PLEKHB2: variants seen among roughly 807,000 people sequenced by gnomAD.
PLEKHB2 encodes pleckstrin homology domain containing B2.
Under a neutral mutation model 36.5 loss-of-function variants are expected in PLEKHB2, and 31 were observed. The observed-to-expected ratio is 0.85, with a 90% CI of 0.64 to 1.15. PLEKHB2 has a LOEUF of 1.15. PLEKHB2 is among the 50% of genes most tolerant of loss of function. PLEKHB2 has a pLI of 0.00. For synonymous variants in PLEKHB2, 119 were observed against 112.0 expected (o/e 1.06, Z -0.39); for missense variants, 262 against 295.3 (o/e 0.89, Z 0.83).
Position 131,148,014 on chromosome 2 carries a change from T to G in PLEKHB2, c.*1241T>G, listed in dbSNP as rs1389323617. 6.6e-6 allele frequency: 1 copy of G among 152,364 alleles called. No homozygotes were observed. The highest frequency in any genetic ancestry group is 2.4e-5 in the African/African-American group (1 of 41,428). The allele number at this position is 152,364 out of a possible 1,614,324, so 9.4% of individuals were successfully genotyped here. ...GTTCCCATTTCTGGCCTTTGGGGGT[T>G]TGCACTGTGCGGGAGATGCTCTCTC... On this transcript the variant is annotated 3_prime_UTR_variant, in exon 8 of 8. Coordinates refer to ENST00000693505, the MANE Select transcript of PLEKHB2 (RefSeq NM_001100623.2).
chr2:131,105,704 G>C (rs910337812), intron 1 of PLEKHB2, among the ~76,000 whole-genome samples: 4 of 152,144 alleles, frequency 2.6e-5, no homozygotes, highest in Middle Eastern at 3.4e-3. Context: ...CTTCCCCGGC[G>C]TCCGCCTCCG....
intron 5 of PLEKHB2, among the ~76,000 whole-genome samples, chr2:131,131,026 T>C (rs558486098): frequency 2.6e-5 from 4 of 152,312 alleles, no homozygotes; most frequent in African/African-American, 9.6e-5. Flanking sequence ...TGGGCTCAAG[T>C]GATCCTCCCA....
chr2:131,135,903 C>A (rs1048591651), intron 6 of PLEKHB2, among the ~76,000 whole-genome samples: 8 of 152,050 alleles, frequency 5.3e-5, no homozygotes, highest in African/African-American at 1.9e-4. Context: ...CCACCGCGCC[C>A]GGCCAGTGTA....
At chr2:131,116,063 T>G (rs1448614910) in intron 1 of PLEKHB2, among the ~76,000 whole-genome samples, 2 of 152,216 alleles carry the variant, frequency 1.3e-5, no homozygotes, top group African/African-American at 4.8e-5. Context: ...AATTACTCTT[T>G]TAAAAAGTGA....
At position 131,147,816 on chromosome 2, in the gene PLEKHB2, C is replaced by A. The variant is rs1431982439; in HGVS notation, c.*1043C>A. On this transcript the variant is annotated 3_prime_UTR_variant, in exon 8 of 8. Transcript: ENST00000693505. Reference sequence around the variant, plus strand: ...CTGTCTCAAAAAAAAAAAAAAAATCCTGGAGAAGCCAGAACAATATACAAA... The same window carrying A: ...CTGTCTCAAAAAAAAAAAAAAAATCATGGAGAAGCCAGAACAATATACAAA... 6.7e-6 allele frequency: 1 copy of A among 148,458 alleles called. No individual in the cohort carries two copies. Among genetic ancestry groups the A allele is most frequent in the East Asian group, 2.0e-4 (1 of 5,128 alleles). 9.2% of individuals were successfully genotyped at this position (148,458 alleles called of 1,614,324 possible).
At chr2:131,134,061 GGC>G (rs1697988160) in intron 6 of PLEKHB2, among the ~76,000 whole-genome samples, 1 of 151,724 alleles carries the variant, frequency 6.6e-6, no homozygotes, top group South Asian at 2.1e-4. Flanking sequence ...CACCACGCCC[GGC>G]TAATTTTTTG....
intron 6 of PLEKHB2, among the ~76,000 whole-genome samples, chr2:131,138,234 AATGT>A (rs1435171592): frequency 6.6e-6 from 1 of 152,030 alleles, no homozygotes; most frequent in Admixed American, 6.6e-5. Context: ...TAAAAAATTG[AATGT>A]ATGTCTTTAT....
chr2:131,130,738 T>G lies in PLEKHB2; in HGVS notation c.311T>G (p.Leu104Arg), dbSNP rs1697589132. Residue 104 changes from leucine to arginine, a missense_variant, in exon 5 of 8, where the codon CTC (leucine) becomes CGC (arginine). Coordinates refer to ENST00000693505, the MANE Select transcript of PLEKHB2 (RefSeq NM_001100623.2). Reference protein sequence around the residue: ...TDDCLAWKFTLQDSRTNTAYV... With the variant: ...TDDCLAWKFTRQDSRTNTAYV... Reference sequence around the variant, plus strand: ...TTCTCCAGGGCCTGGAAATTTACACTCCAAGATTCTAGGACAAACACAGTA... The same window carrying G: ...TTCTCCAGGGCCTGGAAATTTACACGCCAAGATTCTAGGACAAACACAGTA... The G allele has an allele frequency of 6.2e-7, 1 of 1,611,300 alleles. No individual in the cohort carries two copies. Among genetic ancestry groups the G allele is most frequent in the Non-Finnish European group, 8.5e-7 (1 of 1,177,722 alleles).
At chr2:131,139,340 G>A (rs947464331) in intron 6 of PLEKHB2, among the ~76,000 whole-genome samples, 1 of 152,102 alleles carries the variant, frequency 6.6e-6, no homozygotes, top group Non-Finnish European at 1.5e-5. Flanking sequence ...GATTGTAGCT[G>A]TACTTAGCAG....
At chr2:131,115,395 C>G (rs1219422884) in intron 1 of PLEKHB2, among the ~76,000 whole-genome samples, 1 of 112,776 alleles carries the variant, frequency 8.9e-6, no homozygotes, top group African/African-American at 3.5e-5. Context: ...GGCTCTTTTG[C>G]CAGGCTAGAG....
At chr2:131,128,691 T>C (rs1468391479) in intron 4 of PLEKHB2, among the ~76,000 whole-genome samples, 1 of 152,122 alleles carries the variant, frequency 6.6e-6, no homozygotes, top group Non-Finnish European at 1.5e-5. Context: ...ATCATTGGCA[T>C]GGAAGAAAAG....
At chr2:131,114,462 A>G (rs534252137) in intron 1 of PLEKHB2, among the ~76,000 whole-genome samples, 52 of 152,142 alleles carry the variant, frequency 3.4e-4, no homozygotes, top group Non-Finnish European at 6.2e-4. Flanking sequence ...GGTGATTAAC[A>G]TTGGACTTCT....
At chr2:131,143,301 C>T (rs774212712) in intron 7 of PLEKHB2, among the ~76,000 whole-genome samples, 6 of 152,278 alleles carry the variant, frequency 3.9e-5, no homozygotes, top group East Asian at 1.9e-4. Context: ...ACATTTTTGA[C>T]GGTTTTTTGG....
chr2:131,105,754 C>G (rs894584270), intron 1 of PLEKHB2, among the ~76,000 whole-genome samples: 2 of 152,172 alleles, frequency 1.3e-5, no homozygotes. Context: ...CCCGCGGACC[C>G]TCCTCCTTTC....
chr2:131,105,567 A>G (rs1020258820), intron 1 of PLEKHB2, among the ~76,000 whole-genome samples, 169 bp downstream of exon 1: 4 of 151,702 alleles, frequency 2.6e-5, no homozygotes, highest in Non-Finnish European at 5.9e-5. Flanking sequence ...GCTCCTGGCC[A>G]CGGGTCCGCC....
intron 6 of PLEKHB2, among the ~76,000 whole-genome samples, chr2:131,134,569 A>G (rs1698045684): frequency 6.6e-6 from 1 of 152,046 alleles, no homozygotes; most frequent in African/African-American, 2.4e-5. Context: ...GGTCTGCTCC[A>G]TTGTTCTGTA....
chr2:131,139,119 T>C (rs1698538231), intron 6 of PLEKHB2, among the ~76,000 whole-genome samples: 1 of 152,180 alleles, frequency 6.6e-6, no homozygotes, highest in Non-Finnish European at 1.5e-5. Flanking sequence ...CCTTTCCTTC[T>C]TAGATTCTTT....
chr2:131,138,077 A>T, intron 6 of PLEKHB2, among the ~76,000 whole-genome samples: 3 of 124,436 alleles, frequency 2.4e-5, no homozygotes, highest in Admixed American at 1.8e-4. Context: ...TGATTGGGTA[A>T]TTTCTACCCT....
intron 7 of PLEKHB2, among the ~76,000 whole-genome samples, chr2:131,140,501 G>A (rs188952679): frequency 6.6e-6 from 1 of 152,176 alleles, no homozygotes; most frequent in African/African-American, 2.4e-5. Flanking sequence ...TTTGTGTGTA[G>A]ATTAGTTCTC....
Sources: allele counts gnomAD v4.1 joint callset (sites outside exome capture counted in the v4.1 genomes callset), GRCh38; gene constraint gnomAD v4.1.1; transcripts MANE v1.5; gene names NCBI Gene and HGNC (gene_info 2026-07-23, HGNC 2026-07-21).